The following ERC2 variants were observed in gnomAD, a reference collection of about 807,000 sequenced individuals.
The protein encoded by ERC2 is ERC protein 2.
In ERC2, 42 loss-of-function variants were observed where a neutral mutation model predicts 114.8. The ratio of observed to expected loss-of-function variants is 0.37; its 90% CI spans 0.29 to 0.47. ERC2 has a LOEUF of 0.47. ERC2 is among the 20% of genes least tolerant of loss of function. The pLI is 0.99. For missense variants in ERC2, 939 were observed against 1,150.7 expected (o/e 0.82, Z 2.66); for synonymous variants, 454 against 425.5 (o/e 1.07, Z -0.82).
At chr3:56,387,959 G>A (rs1328346985) in intron 2 of ERC2, among the ~76,000 whole-genome samples, 1 of 152,180 alleles carries the variant, frequency 6.6e-6, no homozygotes, top group Non-Finnish European at 1.5e-5. Context: ...TTTGTAGAGA[G>A]AGATAATTCT....
intron 15 of ERC2, among the ~76,000 whole-genome samples, chr3:55,717,006 C>T (rs1415274987): frequency 6.6e-6 from 1 of 152,100 alleles, no homozygotes; most frequent in Non-Finnish European, 1.5e-5. Flanking sequence ...CTTGGTGACT[C>T]TCCCCTGAGA....
chr3:55,736,425 T>C (rs1391843689), intron 14 of ERC2, among the ~76,000 whole-genome samples: 1 of 152,220 alleles, frequency 6.6e-6, no homozygotes, highest in Non-Finnish European at 1.5e-5. Flanking sequence ...AGCTCTTATC[T>C]TCCAGGTCTG....
chr3:56,213,795 C>T (rs996444071), intron 3 of ERC2, among the ~76,000 whole-genome samples: 9 of 152,240 alleles, frequency 5.9e-5, no homozygotes, highest in East Asian at 1.9e-4. Context: ...TTCATACAGC[C>T]GGGTACTCCT....
At chr3:56,149,444 C>A (rs957035281) in intron 4 of ERC2, among the ~76,000 whole-genome samples, 2 of 152,100 alleles carry the variant, frequency 1.3e-5, no homozygotes, top group Non-Finnish European at 2.9e-5. Flanking sequence ...AAAAACAAAA[C>A]AGAACACCAT....
intron 1 of ERC2, among the ~76,000 whole-genome samples, chr3:56,439,819 T>C (rs1463837744): frequency 1.3e-5 from 2 of 152,158 alleles, no homozygotes; most frequent in South Asian, 2.1e-4. Flanking sequence ...GCATATAAGA[T>C]TATACACATG....
Position 55,547,923 on chromosome 3 carries a change from G to A in ERC2, c.*40-36647C>T, listed in dbSNP as rs535576179. Among the ~76,000 whole-genome samples the A allele has an allele frequency of 2.0e-5, 3 of 152,274 alleles. No individual in the cohort carries two copies. The South Asian group carries it at 6.2e-4, about 32-fold the overall frequency. On this transcript the variant is annotated intron_variant, in intron 17 of 17. Transcript: ENST00000288221. ...GCTGGGGAGACAAGCAGTTTTCCTG[G>A]GTCCCCATCCAGACCTCCTTCTGCT...
chr3:55,668,330 T>C (rs1168553408), intron 17 of ERC2, among the ~76,000 whole-genome samples: 1 of 152,124 alleles, frequency 6.6e-6, no homozygotes, highest in Non-Finnish European at 1.5e-5. Context: ...ACAGTCTGGG[T>C]TCTTCTACCT....
intron 14 of ERC2, among the ~76,000 whole-genome samples, chr3:55,823,596 G>A (rs2060212461): frequency 6.6e-6 from 1 of 152,182 alleles, no homozygotes; most frequent in South Asian, 2.1e-4. Flanking sequence ...CAATGACCTG[G>A]CCTACTGGAA....
chr3:55,810,230 T>C (rs571667548), intron 14 of ERC2, among the ~76,000 whole-genome samples: 1 of 152,164 alleles, frequency 6.6e-6, no homozygotes, highest in South Asian at 2.1e-4. Context: ...AATATAAAGA[T>C]AAGGAAAAAT....
At chr3:55,683,645 C>T (rs2062170956) in intron 17 of ERC2, 149 bp downstream of exon 17, 1 of 625,794 alleles carries the variant, frequency 1.6e-6, no homozygotes, top group East Asian at 3.2e-5. Flanking sequence ...TGGGAAGGGT[C>T]AGGGCACGCG....
intron 2 of ERC2, among the ~76,000 whole-genome samples, chr3:56,346,997 CTGGGG>C (rs2058336742): frequency 1.3e-5 from 2 of 152,126 alleles, no homozygotes; most frequent in Admixed American, 6.5e-5. Context: ...CACTGTTGCA[CTGGGG>C]ATTAAGTTTC....
rs1278751122 is a variant in ERC2, at chr3:56,007,405, T to C, written c.1921-84A>G. 1.5e-5 allele frequency: 19 copies of C among 1,242,200 alleles called. 2 individuals are homozygous for C. In the East Asian group the frequency reaches 3.3e-4, roughly 21 times the overall value. 76.9% of individuals were successfully genotyped at this position (1,242,200 alleles called of 1,614,324 possible). A position where few individuals can be genotyped will look rare whatever the true frequency, so the allele number is the denominator to read the frequency against. ...AATTTGAACACATTGATTCTATACA[T>C]AGCAATAAAGTGTGCAGTAGACAGA... On this transcript the variant is annotated intron_variant, in intron 9 of 17. Transcript: ENST00000288221.
chr3:56,200,646 A>G (rs2048355080), intron 3 of ERC2, among the ~76,000 whole-genome samples: 1 of 152,186 alleles, frequency 6.6e-6, no homozygotes, highest in African/African-American at 2.4e-5. Flanking sequence ...TCTGCTGCTT[A>G]GGCTAAGGTG....
At chr3:55,538,177 C>T (rs151059340) in intron 17 of ERC2, among the ~76,000 whole-genome samples, 219 of 152,336 alleles carry the variant, frequency 1.4e-3, no homozygotes, top group Middle Eastern at 3.4e-3. Flanking sequence ...AATTTCACAT[C>T]AACCCGTGAG....
At chr3:56,009,050 G>A (rs538514838) in intron 9 of ERC2, among the ~76,000 whole-genome samples, 2 of 152,248 alleles carry the variant, frequency 1.3e-5, no homozygotes, top group South Asian at 4.1e-4. Flanking sequence ...AACAACAAGT[G>A]TTTACCAAAA....
intron 7 of ERC2, among the ~76,000 whole-genome samples, chr3:56,073,181 T>C (rs1172587387): frequency 6.6e-6 from 1 of 152,008 alleles, no homozygotes; most frequent in Non-Finnish European, 1.5e-5. Context: ...TACTGAAAGG[T>C]GGGAGAAAGG....
intron 14 of ERC2, among the ~76,000 whole-genome samples, chr3:55,838,615 C>G (rs1037525082): frequency 2.6e-5 from 4 of 151,626 alleles, no homozygotes; most frequent in Non-Finnish European, 5.9e-5. Context: ...GTCTATCAAT[C>G]AAATTGAAAT....
At chr3:55,770,197 G>C (rs184468203) in intron 14 of ERC2, among the ~76,000 whole-genome samples, 58 of 152,264 alleles carry the variant, frequency 3.8e-4, no homozygotes, top group African/African-American at 1.4e-3. Flanking sequence ...GTGACATGTA[G>C]AGCACAAGCA....
intron 14 of ERC2, among the ~76,000 whole-genome samples, chr3:55,878,467 C>T (rs1433773979): frequency 6.6e-6 from 1 of 152,206 alleles, no homozygotes. Flanking sequence ...TATCTGCCCA[C>T]TGCTTTCTAC....
Sources: gnomAD v4.1 joint callset for allele counts (sites outside exome capture counted in the v4.1 genomes callset) on GRCh38, gnomAD v4.1.1 for gene constraint, MANE v1.5 for transcripts, NCBI Gene and HGNC (gene_info 2026-07-23, HGNC 2026-07-21) for gene names.